EXOC4: variants seen among roughly 807,000 people sequenced by gnomAD.
EXOC4 encodes the protein exocyst complex component 4.
EXOC4 carries 71 observed loss-of-function variants against 107.2 expected under a neutral mutation model. That is an observed-to-expected ratio of 0.66 (90% CI 0.55 to 0.81). EXOC4 has a LOEUF of 0.81. Among genes scored for constraint, EXOC4 ranks in the 30% least tolerant of loss-of-function variants. The pLI is 0.00. For missense variants in EXOC4, 1,108 were observed against 1,189.6 expected (o/e 0.93, Z 1.01); for synonymous variants, 456 against 441.2 (o/e 1.03, Z -0.42).
intron 9 of EXOC4, among the ~76,000 whole-genome samples, chr7:133,510,032 C>T (rs1799740093): frequency 6.6e-6 from 1 of 152,134 alleles, no homozygotes; most frequent in Non-Finnish European, 1.5e-5. Flanking sequence ...ATTTACAATT[C>T]AGCAGTTTTT....
At chr7:133,956,182 C>CT (rs35695983) in intron 14 of EXOC4, among the ~76,000 whole-genome samples, 8 of 150,674 alleles carry the variant, frequency 5.3e-5, no homozygotes, top group Admixed American at 6.6e-5. Flanking sequence ...TTTTTATGTT[C>CT]TTTTTTTTTT....
chr7:133,748,783 A>G (rs1225357063), intron 10 of EXOC4, among the ~76,000 whole-genome samples: 1 of 152,170 alleles, frequency 6.6e-6, no homozygotes, highest in African/African-American at 2.4e-5. Flanking sequence ...TCACGTCAGC[A>G]ACTCTCTCAC....
At chr7:133,949,087 ACT>A (rs1298859311) in intron 14 of EXOC4, among the ~76,000 whole-genome samples, 1 of 152,018 alleles carries the variant, frequency 6.6e-6, no homozygotes, top group African/African-American at 2.4e-5. Context: ...ACATTATTTG[ACT>A]CTCTTTCAGA....
In EXOC4 at chr7:134,064,532, G is replaced by T. The variant is rs1239379769; in HGVS notation, c.*4G>T. On this transcript the variant is annotated 3_prime_UTR_variant, in exon 18 of 18. Transcript: ENST00000253861. Reference sequence around the variant, plus strand: ...CAAGAAGATAACTACCGTTTAGCAGGGCGTACTGCGGTTGGTGACGGGGGT... The same window carrying T: ...CAAGAAGATAACTACCGTTTAGCAGTGCGTACTGCGGTTGGTGACGGGGGT... The T allele has an allele frequency of 1.3e-6, 2 of 1,557,760 alleles. No individual in the cohort carries two copies. Among genetic ancestry groups the T allele is most frequent in the Non-Finnish European group, 8.7e-7 (1 of 1,146,728 alleles).
chr7:134,066,176 T>A (rs10238398), downstream of EXOC4: 118,279 of 152,378 alleles, frequency 0.78, 46,859 homozygotes, highest in African/African-American at 0.93. Context: ...TGAGAGGAGA[T>A]TAGGGTTGCC....
intron 10 of EXOC4, among the ~76,000 whole-genome samples, chr7:133,790,393 T>G (rs1796678070): frequency 6.6e-6 from 1 of 152,198 alleles, no homozygotes; most frequent in Admixed American, 6.5e-5. Flanking sequence ...AAGCACTGAG[T>G]AGGCTGAAAC....
At chr7:133,267,788 T>C (rs374774156) in intron 1 of EXOC4, among the ~76,000 whole-genome samples, 1 of 152,234 alleles carries the variant, frequency 6.6e-6, no homozygotes, top group Non-Finnish European at 1.5e-5. Flanking sequence ...ATGCATTTCA[T>C]GTGAGACAAT....
intron 5 of EXOC4, among the ~76,000 whole-genome samples, chr7:133,337,442 A>G (rs933565957): frequency 6.6e-6 from 1 of 151,986 alleles, no homozygotes; most frequent in Non-Finnish European, 1.5e-5. Context: ...TTTCCTATAC[A>G]AAATTGGTCT....
intron 4 of EXOC4, among the ~76,000 whole-genome samples, chr7:133,313,589 C>T (rs1227883190): frequency 6.6e-6 from 1 of 152,096 alleles, no homozygotes; most frequent in Non-Finnish European, 1.5e-5. Flanking sequence ...CATAGTTGAA[C>T]CCATTTATTG....
intron 7 of EXOC4, among the ~76,000 whole-genome samples, chr7:133,420,480 G>A (rs1159244311): frequency 1.3e-5 from 2 of 152,174 alleles, no homozygotes; most frequent in African/African-American, 4.8e-5. Flanking sequence ...GGGTTGGTGG[G>A]AGGGGTTCTG....
intron 9 of EXOC4, among the ~76,000 whole-genome samples, chr7:133,598,909 A>T (rs1255769138): frequency 6.6e-6 from 1 of 152,076 alleles, no homozygotes; most frequent in South Asian, 2.1e-4. Flanking sequence ...GCTTGAACCC[A>T]CTAGGCACAG....
chr7:133,981,443 G>A (rs2116917222), intron 14 of EXOC4, among the ~76,000 whole-genome samples: 1 of 152,178 alleles, frequency 6.6e-6, no homozygotes, highest in South Asian at 2.1e-4. Flanking sequence ...AGTGGGCAAA[G>A]GACATGAACA....
chr7:133,614,755 G>A (rs887763846), intron 9 of EXOC4, among the ~76,000 whole-genome samples: 1 of 113,270 alleles, frequency 8.8e-6, no homozygotes, highest in African/African-American at 3.5e-5. Flanking sequence ...CAAGAGAGCC[G>A]ATCAAACGAG....
In EXOC4 at chr7:133,917,685, G is replaced by C; in HGVS notation, c.1974G>C (p.Met658Ile). ...AATCTCTACCAAACTGGATGAATAT[G>C]GCTCAACCCAAACAGCTGAGGCCAA... is the stretch of plus-strand genomic sequence containing the variant. ...LLKSLPNWMN[M>I]AQPKQLRPKR... Residue 658 changes from methionine (M) to isoleucine (I), a missense_variant, in exon 13 of 18, where the codon ATG becomes ATC. Transcript: ENST00000253861. 1.2e-6 allele frequency: 2 copies of C among 1,614,042 alleles called. No individual in the cohort carries two copies. Among genetic ancestry groups the C allele is most frequent in the Non-Finnish European group, 1.7e-6 (2 of 1,179,998 alleles).
At chr7:133,539,231 G>A (rs1451405731) in intron 9 of EXOC4, among the ~76,000 whole-genome samples, 3 of 152,078 alleles carry the variant, frequency 2.0e-5, no homozygotes, top group Non-Finnish European at 4.4e-5. Flanking sequence ...AATGGACAGA[G>A]CAGCATTCTT....
intron 10 of EXOC4, among the ~76,000 whole-genome samples, chr7:133,792,743 T>C (rs1796731539): frequency 6.6e-6 from 1 of 152,176 alleles, no homozygotes; most frequent in Non-Finnish European, 1.5e-5. Flanking sequence ...TTGTAAAATA[T>C]GCATTTTTAT....
At chr7:133,257,019 T>A (rs1290678734) in intron 1 of EXOC4, among the ~76,000 whole-genome samples, 2 of 152,242 alleles carry the variant, frequency 1.3e-5, no homozygotes, top group Non-Finnish European at 2.9e-5. Flanking sequence ...CAAATAAAAA[T>A]GCTTAATTAT....
At chr7:133,261,379 C>A (rs560074243) in intron 1 of EXOC4, among the ~76,000 whole-genome samples, 2 of 151,980 alleles carry the variant, frequency 1.3e-5, no homozygotes, top group East Asian at 3.9e-4. Context: ...TGATCCTCCC[C>A]ACTTAGCCTC....
chr7:133,950,322 A>G (rs1224097260), intron 14 of EXOC4, among the ~76,000 whole-genome samples: 1 of 152,212 alleles, frequency 6.6e-6, no homozygotes, highest in East Asian at 1.9e-4. Context: ...CTTTCTATCC[A>G]TAGCTCATTA....
Sources: gnomAD v4.1 joint callset for allele counts (sites outside exome capture counted in the v4.1 genomes callset) on GRCh38, gnomAD v4.1.1 for gene constraint, MANE v1.5 for transcripts, NCBI Gene and HGNC (gene_info 2026-07-23, HGNC 2026-07-21) for gene names.